Variants in SLC35D4 observed in about 807,000 individuals in gnomAD.
The protein encoded by SLC35D4 is UDP-N-acetylglucosamine transporter SLC35D4.
chr18:23,239,529 C>T, the SLC35D4 span, among the ~76,000 whole-genome samples: 1 of 152,234 alleles, frequency 6.6e-6, no homozygotes, highest in Non-Finnish European at 1.5e-5. Flanking sequence ...ACATGGGTTA[C>T]AGGCCGTTTC....
At chr18:23,262,136 TTTTC>T in the SLC35D4 span, among the ~76,000 whole-genome samples, 1 of 152,206 alleles carries the variant, frequency 6.6e-6, no homozygotes, top group African/African-American at 2.4e-5. Context: ...ATCTAAATTT[TTTTC>T]TTTAATACCA....
At chr18:23,406,112 G>C in the SLC35D4 span, among the ~76,000 whole-genome samples, 1 of 152,206 alleles carries the variant, frequency 6.6e-6, no homozygotes, top group African/African-American at 2.4e-5. Flanking sequence ...ATAGCAACAA[G>C]TGATACAACT....
At chr18:23,343,781 G>GTT in the SLC35D4 span, among the ~76,000 whole-genome samples, 13 of 151,882 alleles carry the variant, frequency 8.6e-5, no homozygotes. Context: ...TGTTCTCAAT[G>GTT]TTTAATTCCC....
the SLC35D4 span, among the ~76,000 whole-genome samples, chr18:23,323,571 A>G: frequency 1.7e-4 from 26 of 152,348 alleles, no homozygotes; most frequent in African/African-American, 4.6e-4. Flanking sequence ...TCTTAGGAAC[A>G]TACAAAACTT....
chr18:23,430,879 G>A, the SLC35D4 span, among the ~76,000 whole-genome samples: 1 of 152,120 alleles, frequency 6.6e-6, no homozygotes, highest in Non-Finnish European at 1.5e-5. Flanking sequence ...GAGCCAGCTG[G>A]GCACGGTGGC....
chr18:23,308,848 T>C, the SLC35D4 span, among the ~76,000 whole-genome samples: 159 of 140,258 alleles, frequency 1.1e-3, no homozygotes, highest in African/African-American at 3.9e-3. Context: ...AGCACGTGTT[T>C]TCTCTCTCTC....
At chr18:23,253,807 C>G in the SLC35D4 span, 1 of 1,614,240 alleles carries the variant, frequency 6.2e-7, no homozygotes, top group Non-Finnish European at 8.5e-7. Context: ...CCTTCGTCTA[C>G]TTTGAAAAGC....
At chr18:23,356,407 T>C in the SLC35D4 span, among the ~76,000 whole-genome samples, 12 of 152,252 alleles carry the variant, frequency 7.9e-5, no homozygotes, top group African/African-American at 2.9e-4. This position sits in a 1 kb window ranked among gnomAD's most constrained non-coding sequence, Gnocchi z 4.1. Flanking sequence ...GGGCCCAAGC[T>C]GGCCCTGAGC....
At chr18:23,414,295 G>GAGGAAGGAAGGAAGGAAGGAAGGAAGGA in the SLC35D4 span, among the ~76,000 whole-genome samples, 42 of 124,130 alleles carry the variant, frequency 3.4e-4, no homozygotes, top group East Asian at 2.2e-3. Context: ...AAAAGGAAAG[G>GAGGAAGGAAGGAAGGAAGGAAGGAAGGA]AGGAAGGAAG....
chr18:23,333,221 C>G, the SLC35D4 span, among the ~76,000 whole-genome samples: 2 of 152,164 alleles, frequency 1.3e-5, no homozygotes, highest in African/African-American at 4.8e-5. Flanking sequence ...ATAGAAGATA[C>G]AGCCTTCAAA....
At chr18:23,396,635 C>T in the SLC35D4 span, among the ~76,000 whole-genome samples, 1 of 152,108 alleles carries the variant, frequency 6.6e-6, no homozygotes, top group South Asian at 2.1e-4. Flanking sequence ...GTGCTCTCAG[C>T]AGGGTGCATG....
the SLC35D4 span, among the ~76,000 whole-genome samples, chr18:23,282,130 G>C: frequency 2.0e-5 from 3 of 152,238 alleles, no homozygotes; most frequent in Non-Finnish European, 4.4e-5. Flanking sequence ...GCGGCTCCCC[G>C]AGGCTCAATC....
At chr18:23,308,848 T>TTTTCTC in the SLC35D4 span, among the ~76,000 whole-genome samples, 1 of 140,172 alleles carries the variant, frequency 7.1e-6, no homozygotes, top group Non-Finnish European at 1.5e-5. Flanking sequence ...AGCACGTGTT[T>TTTTCTC]TCTCTCTCTC....
the SLC35D4 span, among the ~76,000 whole-genome samples, chr18:23,346,447 A>T: frequency 1.3e-5 from 2 of 151,162 alleles, no homozygotes; most frequent in East Asian, 3.9e-4. Flanking sequence ...TTTCCTTGGG[A>T]TTTTCTATAT....
chr18:23,246,526 G>C, the SLC35D4 span, among the ~76,000 whole-genome samples: 66 of 151,912 alleles, frequency 4.3e-4, no homozygotes, highest in African/African-American at 1.4e-3. Context: ...CAAGTAGCTG[G>C]GACTACAGGC....
At chr18:23,280,324 C>T in the SLC35D4 span, among the ~76,000 whole-genome samples, 12,350 of 152,288 alleles carry the variant, frequency 0.081, 830 homozygotes, top group Admixed American at 0.2. Context: ...TAACGGTCTC[C>T]ACTGTGAGAC....
At chr18:23,370,427 C>A in the SLC35D4 span, 1 of 632,488 alleles carries the variant, frequency 1.6e-6, no homozygotes, top group Admixed American at 2.9e-5. Flanking sequence ...AGACCATCAA[C>A]ATTTGGAAGG....
chr18:23,347,680 C>T, the SLC35D4 span, among the ~76,000 whole-genome samples: 1 of 152,328 alleles, frequency 6.6e-6, no homozygotes, highest in South Asian at 2.1e-4. Flanking sequence ...CTGCCTTGGC[C>T]TCCCAAAGTG....
At chr18:23,351,947 A>C in the SLC35D4 span, among the ~76,000 whole-genome samples, 3 of 152,346 alleles carry the variant, frequency 2.0e-5, no homozygotes, top group East Asian at 5.8e-4. Context: ...ACACCTGCAC[A>C]GCCTCCAGGA....
Sources: allele counts gnomAD v4.1 joint callset (sites outside exome capture counted in the v4.1 genomes callset), GRCh38; gene constraint gnomAD v4.1.1; non-coding constraint Gnocchi (gnomAD v3.1); transcripts MANE v1.5; gene names NCBI Gene and HGNC (gene_info 2026-07-23, HGNC 2026-07-21).